CEP350: variants seen among roughly 807,000 people sequenced by gnomAD.
The protein encoded by CEP350 is centrosome-associated protein 350.
In CEP350, 126 loss-of-function variants were observed where a neutral mutation model predicts 331.8. That is an observed-to-expected ratio of 0.38 (90% CI 0.33 to 0.44). The LOEUF (loss-of-function observed/expected upper bound fraction) is 0.44. CEP350 is among the 20% of genes least tolerant of loss of function. The pLI is 1.00. For missense variants in CEP350, 3,406 were observed against 3,634.6 expected (o/e 0.94, Z 1.62); for synonymous variants, 1,200 against 1,259.5 (o/e 0.95, Z 1.00).
In CEP350 at chr1:180,094,452, C is replaced by T; in HGVS notation, c.8347C>T (p.Leu2783Phe). 3.7e-6 allele frequency: 6 copies of T among 1,613,794 alleles called. No individual in the cohort carries two copies. Among genetic ancestry groups the T allele is most frequent in the South Asian group, 2.2e-5 (2 of 91,038 alleles). Reference sequence around the variant, plus strand: ...AAAAACCAGGGATGAGAAAATCCAGCTTAGCAATCAGGAGCTTCTTGGTGA... The same window carrying T: ...AAAAACCAGGGATGAGAAAATCCAGTTTAGCAATCAGGAGCTTCTTGGTGA... ...IKKTRDEKIQLSNQELLGDDQ... is the reference protein window; with the variant it reads ...IKKTRDEKIQFSNQELLGDDQ... The change falls in exon 34 of 38, where the codon CTT becomes TTT. Residue 2783 changes from leucine (L) to phenylalanine (F), a missense_variant. This residue lies in a region of CEP350 where 1,415 missense variants were observed against 1,512.3 expected (regional missense o/e 0.94). Transcript: ENST00000367607.
At chr1:179,982,832 C>G (rs1652378240) in intron 1 of CEP350, among the ~76,000 whole-genome samples, 1 of 152,152 alleles carries the variant, frequency 6.6e-6, no homozygotes, top group Non-Finnish European at 1.5e-5. Flanking sequence ...TGCTCTGTTG[C>G]AAGGCTGGAG....
At chr1:180,101,862 C>T (rs1401047249) in intron 37 of CEP350, among the ~76,000 whole-genome samples, 1 of 152,208 alleles carries the variant, frequency 6.6e-6, no homozygotes, top group African/African-American at 2.4e-5. Context: ...GATACAGAGA[C>T]GCATAGGGTG....
At chr1:179,968,211 A>G (rs913496205) in intron 1 of CEP350, among the ~76,000 whole-genome samples, 3 of 152,014 alleles carry the variant, frequency 2.0e-5, no homozygotes, top group Non-Finnish European at 4.4e-5. Context: ...TGTGCCTGTA[A>G]TCCCAGCTAC....
chr1:179,977,077 A>G (rs1014336819), intron 1 of CEP350, among the ~76,000 whole-genome samples: 26 of 152,106 alleles, frequency 1.7e-4, no homozygotes, highest in Non-Finnish European at 2.5e-4. Context: ...TATCCTTTCA[A>G]TTCCAAAACT....
At chr1:180,055,546 C>CTTTTTTT (rs71118430) in intron 25 of CEP350, among the ~76,000 whole-genome samples, 20 of 87,468 alleles carry the variant, frequency 2.3e-4, no homozygotes, top group East Asian at 7.6e-4. Flanking sequence ...TGAATTCCAT[C>CTTTTTTT]TTTTTTTTTT....
chr1:180,110,042 A>G (rs1413607007), intron 37 of CEP350, among the ~76,000 whole-genome samples: 1 of 152,206 alleles, frequency 6.6e-6, no homozygotes, highest in Non-Finnish European at 1.5e-5. Flanking sequence ...TATTTACCTA[A>G]TAAGAATCCT....
At chr1:180,074,867 G>T (rs982410487) in intron 27 of CEP350, among the ~76,000 whole-genome samples, 155 bp from the exon 28 acceptor site, 2 of 152,102 alleles carry the variant, frequency 1.3e-5, no homozygotes, top group African/African-American at 4.8e-5. Context: ...ACTCATGAAA[G>T]CTTCTATTAT....
chr1:179,993,082 T>C (rs964417911), intron 5 of CEP350, among the ~76,000 whole-genome samples: 1 of 151,478 alleles, frequency 6.6e-6, no homozygotes, highest in African/African-American at 2.4e-5. Context: ...CGGTGGAAAT[T>C]TTAAGTAGGC....
At chr1:180,018,841 C>T (rs897847644) in intron 11 of CEP350, among the ~76,000 whole-genome samples, 3 of 147,874 alleles carry the variant, frequency 2.0e-5, no homozygotes, top group Admixed American at 1.4e-4. Context: ...GCCTCATGTT[C>T]GTCTTCTCTT....
intron 12 of CEP350, among the ~76,000 whole-genome samples, chr1:180,021,810 G>A (rs1558107159): frequency 6.6e-6 from 1 of 152,130 alleles, no homozygotes; most frequent in African/African-American, 2.4e-5. Context: ...AATTTGAATA[G>A]CAATCAGACT....
chr1:180,094,160 T>A lies in CEP350; in HGVS notation c.8055T>A (p.Thr2685=), dbSNP rs993502141. 1.2e-6 allele frequency: 2 copies of A among 1,613,646 alleles called. No homozygotes were observed. Among genetic ancestry groups the A allele is most frequent in the East Asian group, 4.5e-5 (2 of 44,876 alleles). The change falls in exon 34 of 38, where the codon ACT becomes ACA. Residue 2685 remains threonine, a synonymous_variant. Transcript: ENST00000367607. ...TTTCCATCGCTGCAGAAGATGACAC[T>A]TTAGACAATACCTTTTCCGAAGAAT... The part of the protein sequence containing the change: ...EKVSIAAEDD[T]LDNTFSEELE...
chr1:180,097,017 G>A (rs1395448290), intron 36 of CEP350, among the ~76,000 whole-genome samples: 3 of 152,220 alleles, frequency 2.0e-5, no homozygotes, highest in African/African-American at 7.2e-5. Context: ...GGACCACGCT[G>A]AGTAGCAAAG....
In CEP350 at chr1:180,013,878, C is replaced by G; in HGVS notation, c.1425C>G (p.Pro475=). The G allele has an allele frequency of 6.2e-7, 1 of 1,612,240 alleles. No homozygotes were observed. The highest frequency in any genetic ancestry group is 8.5e-7 in the Non-Finnish European group (1 of 1,179,200). ...GGHIGRAESD[P]RLDVLHRHLQ... Reference sequence around the variant, plus strand: ...ACATTGGAAGAGCAGAATCTGATCCCAGGTTGGACGTTTTACATAGACATC... The same window carrying G: ...ACATTGGAAGAGCAGAATCTGATCCGAGGTTGGACGTTTTACATAGACATC... The change falls in exon 10 of 38, where the codon CCC becomes CCG. Residue 475 remains proline (P), a synonymous_variant. Transcript: ENST00000367607.
At position 180,041,191 on chromosome 1, in the gene CEP350, A is replaced by G. The variant is rs374384678; in HGVS notation, c.4164A>G (p.Glu1388=). 6.3e-7 allele frequency: 1 copy of G among 1,599,092 alleles called. No homozygotes were observed. Among genetic ancestry groups the G allele is most frequent in the Non-Finnish European group, 8.5e-7 (1 of 1,172,652 alleles). Residue 1388 remains glutamate, a synonymous_variant, in exon 18 of 38, where the codon GAA becomes GAG. Transcript: ENST00000367607. ...RDLALLKLKA[E]QEALESQRQL... is the part of the protein sequence containing the mutation. ...TGGCCCTCTTGAAACTAAAGGCTGA[A>G]CAAGAGGCTCTGGAGAGTCAGAGAC...
In CEP350 at chr1:180,080,460, A is replaced by G. The variant is rs575886875; in HGVS notation, c.5980-57A>G. On this transcript the variant is annotated intron_variant, in intron 29 of 37. Coordinates refer to ENST00000367607, the MANE Select transcript of CEP350 (RefSeq NM_014810.5). ...ATATGGCTAGTATGTCAAATTTTAA[A>G]TAGAATTTTACAATTATATCAAAAA... 20 of 1,507,026 alleles carry G rather than the reference A, an allele frequency of 1.3e-5. No homozygotes were observed. The Admixed American group carries it at 3.1e-4, about 23-fold the overall frequency. 93.4% of individuals were successfully genotyped at this position (1,507,026 alleles called of 1,614,324 possible).
At chr1:180,013,520 AAC>A (rs1654785615) in intron 9 of CEP350, among the ~76,000 whole-genome samples, 1 of 152,180 alleles carries the variant, frequency 6.6e-6, no homozygotes, top group Admixed American at 6.5e-5. Context: ...GAGAAATAGT[AAC>A]ACTAAATATG....
chr1:179,998,407 C>G (rs1157725615), intron 6 of CEP350, among the ~76,000 whole-genome samples: 1 of 149,532 alleles, frequency 6.7e-6, no homozygotes, highest in African/African-American at 2.5e-5. Context: ...CTCCCAGATT[C>G]AAGCAGTTCT....
intron 1 of CEP350, among the ~76,000 whole-genome samples, chr1:179,975,818 T>C (rs1400489807): frequency 6.6e-6 from 1 of 151,972 alleles, no homozygotes; most frequent in Admixed American, 6.6e-5. Context: ...AGCTCAGAAA[T>C]AGATCTAAGG....
chr1:180,027,585 A>G (rs1016339600), intron 14 of CEP350, among the ~76,000 whole-genome samples: 5 of 152,002 alleles, frequency 3.3e-5, no homozygotes, highest in Admixed American at 1.3e-4. Flanking sequence ...GGCTTCTGCC[A>G]TATTATCTAG....
Sources: allele counts gnomAD v4.1 joint callset (sites outside exome capture counted in the v4.1 genomes callset), GRCh38; gene constraint gnomAD v4.1.1; regional missense constraint gnomAD v4.1.1; transcripts MANE v1.5; gene names NCBI Gene and HGNC (gene_info 2026-07-23, HGNC 2026-07-21).